Variants in SLC14A2 observed in about 807,000 individuals in gnomAD.
SLC14A2 encodes the protein solute carrier family 14 member 2, also known as urea transporter 2.
In SLC14A2, 91 loss-of-function variants were observed where a neutral mutation model predicts 104.6. That is an observed-to-expected ratio of 0.87 (90% CI 0.73 to 1.04). The LOEUF (loss-of-function observed/expected upper bound fraction) is 1.04. Ranked by LOEUF, SLC14A2 falls within the 50% of genes least tolerant of loss-of-function variation. SLC14A2 has a pLI of 0.00. For synonymous variants in SLC14A2, 476 were observed against 466.4 expected, an observed-to-expected ratio of 1.02 and a Z score of -0.27; for missense variants, 1,189 against 1,156.0, an observed-to-expected ratio of 1.03 and a Z score of -0.41.
chr18:45,290,067 T>C (rs2084854349), intron 1 of SLC14A2, among the ~76,000 whole-genome samples: 1 of 152,120 alleles, frequency 6.6e-6, no homozygotes, highest in South Asian at 2.1e-4. Flanking sequence ...CCTTTAAAAG[T>C]TTTCATTGCA....
chr18:45,176,686 C>T, the SLC14A2 span, among the ~76,000 whole-genome samples: 5 of 152,300 alleles, frequency 3.3e-5, no homozygotes, highest in South Asian at 8.3e-4. Context: ...CATTCACACA[C>T]CCTCTCCTGA....
chr18:45,606,460 A>G (rs768216345), intron 2 of SLC14A2, among the ~76,000 whole-genome samples: 1 of 152,136 alleles, frequency 6.6e-6, no homozygotes, highest in Non-Finnish European at 1.5e-5. Flanking sequence ...CTGATCTACC[A>G]TAAGAGCCAC....
At chr18:45,367,349 G>T (rs528751780) in intron 1 of SLC14A2, among the ~76,000 whole-genome samples, 11 of 152,132 alleles carry the variant, frequency 7.2e-5, no homozygotes, top group African/African-American at 2.4e-4. Context: ...AAGAATGAGC[G>T]TCCTTGCCTC....
chr18:45,536,282 TG>T (rs1892001927), intron 2 of SLC14A2, among the ~76,000 whole-genome samples: 1 of 152,246 alleles, frequency 6.6e-6, no homozygotes, highest in South Asian at 2.1e-4. Context: ...TCCCAGTACC[TG>T]GGTACTCTGA....
chr18:45,230,027 G>C (rs892405889), intron 1 of SLC14A2, among the ~76,000 whole-genome samples: 6 of 152,136 alleles, frequency 3.9e-5, no homozygotes, highest in African/African-American at 1.4e-4. Flanking sequence ...TAATTTATTT[G>C]TATATTGCTT....
chr18:45,521,330 T>C (rs1568256690), intron 2 of SLC14A2, among the ~76,000 whole-genome samples: 2 of 152,214 alleles, frequency 1.3e-5, no homozygotes, highest in Non-Finnish European at 2.9e-5. Context: ...TTTCTGGCAT[T>C]GTGCTAAGGA....
intron 1 of SLC14A2, among the ~76,000 whole-genome samples, chr18:45,270,666 G>T (rs2084642516): frequency 6.6e-6 from 1 of 152,060 alleles, no homozygotes; most frequent in African/African-American, 2.4e-5. Context: ...AACAATAACT[G>T]GCACTGATAA....
At chr18:45,235,004 CAA>C (rs1378855189) in intron 1 of SLC14A2, among the ~76,000 whole-genome samples, 9 of 152,136 alleles carry the variant, frequency 5.9e-5, no homozygotes, top group African/African-American at 9.6e-5. Flanking sequence ...TTTAAAAAAA[CAA>C]GAGACATTTT....
intron 2 of SLC14A2, among the ~76,000 whole-genome samples, chr18:45,586,962 GA>G (rs575631605): frequency 1.0e-4 from 15 of 148,744 alleles, no homozygotes; most frequent in Admixed American, 2.7e-4. Context: ...GTCCTTACTA[GA>G]AAAAAAAAAG....
chr18:45,505,286 C>A (rs1251813513), intron 2 of SLC14A2, among the ~76,000 whole-genome samples: 1 of 152,154 alleles, frequency 6.6e-6, no homozygotes, highest in East Asian at 1.9e-4. Flanking sequence ...GTCCCTCTGT[C>A]CTCCTACCCC....
At chr18:45,632,260 C>T in intron 4 of SLC14A2, 90 bp from the exon 5 acceptor site, 1 of 1,478,858 alleles carries the variant, frequency 6.8e-7, no homozygotes, top group Non-Finnish European at 9.1e-7. Context: ...AAGGAATCAT[C>T]TAAATTAAGC....
intron 1 of SLC14A2, among the ~76,000 whole-genome samples, chr18:45,469,407 G>A (rs867498175): frequency 6.6e-6 from 1 of 152,268 alleles, no homozygotes; most frequent in Middle Eastern, 3.4e-3. Flanking sequence ...ACAGGAGAGG[G>A]TGATGCTTCC....
At chr18:45,496,421 G>T (rs552013903) in intron 2 of SLC14A2, among the ~76,000 whole-genome samples, 2 of 152,260 alleles carry the variant, frequency 1.3e-5, no homozygotes, top group East Asian at 3.9e-4. Flanking sequence ...GTCAGTGTGG[G>T]TGGGCACCAT....
chr18:45,269,203 T>G (rs2084625382), intron 1 of SLC14A2, among the ~76,000 whole-genome samples: 1 of 152,022 alleles, frequency 6.6e-6, no homozygotes, highest in Non-Finnish European at 1.5e-5. Context: ...GCAGAGTGGA[T>G]AGGCTGGATT....
At chr18:45,676,473 C>G (rs1209227092) in intron 18 of SLC14A2, among the ~76,000 whole-genome samples, 1 of 151,808 alleles carries the variant, frequency 6.6e-6, no homozygotes, top group Admixed American at 6.5e-5. Context: ...GTTTAACAAA[C>G]AAATCTTAAA....
In SLC14A2 at chr18:45,351,694, C is replaced by A. The variant is rs184172821; in HGVS notation, c.-124-131539C>A. Among the ~76,000 whole-genome samples the A allele has an allele frequency of 2.4e-3, 366 of 152,270 alleles. 1 individual carries two copies. Among genetic ancestry groups the A allele is most frequent in the African/African-American group, 8.6e-3 (356 of 41,544 alleles). On this transcript the variant is annotated intron_variant, in intron 1 of 20. Coordinates refer to the SLC14A2 transcript ENST00000586448. ...TCAGTACCTACAGTATACTATATTT[C>A]CAGCCAATTACTGGGTTTGAAAAGT...
intron 2 of SLC14A2, among the ~76,000 whole-genome samples, chr18:45,589,956 C>A (rs1303347352): frequency 6.6e-6 from 1 of 152,184 alleles, no homozygotes; most frequent in Non-Finnish European, 1.5e-5. Flanking sequence ...CAGAACTGGG[C>A]TTTCTTGAGG....
intron 2 of SLC14A2, among the ~76,000 whole-genome samples, chr18:45,503,133 T>G (rs1467784065): frequency 6.6e-6 from 1 of 152,134 alleles, no homozygotes; most frequent in Non-Finnish European, 1.5e-5. Flanking sequence ...TTAATGTTGA[T>G]TGTGGCAAGC....
chr18:45,475,666 T>TATATTTAGG (rs2087361675), intron 1 of SLC14A2, among the ~76,000 whole-genome samples: 1 of 101,828 alleles, frequency 9.8e-6, no homozygotes, highest in African/African-American at 3.5e-5. Context: ...TATATATATA[T>TATATTTAGG]ATATATATAT....
Sources: allele counts gnomAD v4.1 joint callset (sites outside exome capture counted in the v4.1 genomes callset), GRCh38; gene constraint gnomAD v4.1.1; transcripts MANE v1.5; gene names NCBI Gene and HGNC (gene_info 2026-07-23, HGNC 2026-07-21).